Variants in TRIM77 observed in about 807,000 individuals in gnomAD.
TRIM77 encodes the protein tripartite motif containing 77.
TRIM77 carries 23 observed loss-of-function variants against 31.8 expected under a neutral mutation model. That is an observed-to-expected ratio of 0.72 (90% confidence interval 0.52 to 1.02). The LOEUF is 1.02. Ranked by LOEUF, TRIM77 falls within the 50% of genes least tolerant of loss-of-function variation. TRIM77 has a pLI of 0.00. For missense variants in TRIM77, 446 were observed against 539.2 expected, an observed-to-expected ratio of 0.83 and a Z score of 1.71; for synonymous variants, 159 against 183.1, an observed-to-expected ratio of 0.87 and a Z score of 1.06.
intron 3 of TRIM77, among the ~76,000 whole-genome samples, chr11:89,714,856 T>G (rs1295368499): frequency 1.3e-5 from 2 of 152,224 alleles, no homozygotes; most frequent in East Asian, 1.9e-4. Context: ...TGTGGGGACC[T>G]CTGTCAATCT....
chr11:89,713,068 T>C (rs564399378), intron 2 of TRIM77, among the ~76,000 whole-genome samples: 25 of 151,936 alleles, frequency 1.6e-4, no homozygotes, highest in African/African-American at 5.8e-4. Flanking sequence ...GGTCAAGAGA[T>C]TGAGACCATC....
chr11:89,715,701 C>G (rs1200322294), intron 4 of TRIM77, among the ~76,000 whole-genome samples, 189 bp from the exon 5 acceptor site: 4 of 152,162 alleles, frequency 2.6e-5, no homozygotes, highest in Non-Finnish European at 5.9e-5. Context: ...ACATACTTTA[C>G]TGTCATAGAG....
intron 5 of TRIM77, among the ~76,000 whole-genome samples, chr11:89,716,669 T>C (rs1409844160): frequency 6.6e-5 from 10 of 152,112 alleles, no homozygotes; most frequent in Middle Eastern, 3.2e-3. Flanking sequence ...ATATAGATTT[T>C]CAGTTTATTT....
rs7120478 is a variant in TRIM77 at position 89,713,760 on chromosome 11, G to A, written c.508-432G>A. On this transcript the variant is annotated intron_variant, in intron 2 of 5. Transcript: ENST00000398290. ...AATAGGCAAGCATAGCCAAACACTG[G>A]TAAAAGCACCGAGTGTTTTGGAAAT... Among the ~76,000 whole-genome samples, 336 of 152,178 alleles carry A rather than the reference G, an allele frequency of 2.2e-3. 1 individual carries two copies. Among genetic ancestry groups the A allele is most frequent in the African/African-American group, 7.8e-3 (324 of 41,524 alleles).
At position 89,717,863 on chromosome 11, in the gene TRIM77, A is replaced by G. The variant is rs1304432977; in HGVS notation, c.1344A>G (p.Gly448=). 2 of 1,531,136 alleles carry G rather than the reference A, an allele frequency of 1.3e-6. No homozygotes were observed. Among genetic ancestry groups the G allele is most frequent in the Non-Finnish European group, 1.8e-6 (2 of 1,137,000 alleles). The allele number at this position is 1,531,136 out of a possible 1,614,324, so 94.8% of individuals were successfully genotyped here. The change falls in exon 6 of 6, where the codon GGA becomes GGG. Residue 448 remains glycine (G), a synonymous_variant. Coordinates refer to ENST00000398290, the MANE Select transcript of TRIM77 (RefSeq NM_001146162.1). The part of the protein sequence containing the change: ...YFPLRPFICH[G]SK ...CTCTCAGACCTTTCATTTGCCACGG[A>G]TCTAAATAATCAGGGACAGGTCACA...
At chr11:89,713,270 C>T (rs1426553168) in intron 2 of TRIM77, among the ~76,000 whole-genome samples, 16 of 123,938 alleles carry the variant, frequency 1.3e-4, no homozygotes, top group Non-Finnish European at 2.3e-4. Context: ...AGGGAGACTC[C>T]GTCTCAAAAA....
chr11:89,715,288 C>A, intron 4 of TRIM77, 108 bp downstream of exon 4: 1 of 1,037,640 alleles, frequency 9.6e-7, no homozygotes. Flanking sequence ...GTATTTATTC[C>A]TTTCTTATCA....
intron 2 of TRIM77, among the ~76,000 whole-genome samples, chr11:89,713,628 A>C (rs1318534201): frequency 6.6e-6 from 1 of 152,014 alleles, no homozygotes; most frequent in East Asian, 1.9e-4. Context: ...GAGAGTAGGC[A>C]AACAATAGGG....
At chr11:89,712,974 C>T (rs1461816521) in intron 2 of TRIM77, among the ~76,000 whole-genome samples, 6 of 151,934 alleles carry the variant, frequency 3.9e-5, no homozygotes, top group African/African-American at 1.5e-4. Flanking sequence ...AAGGGAAAAA[C>T]TGTGAAAAAG....
intron 2 of TRIM77, among the ~76,000 whole-genome samples, chr11:89,713,040 G>A (rs1234960840): frequency 1.3e-5 from 2 of 152,040 alleles, no homozygotes; most frequent in East Asian, 1.9e-4. Flanking sequence ...TTGGGAGGCC[G>A]AGGTGGGCGG....
rs1565425243 is a variant in TRIM77, at chr11:89,711,442, G to C, written c.444G>C (p.Trp148Cys). 2 of 1,424,874 alleles carry C rather than the reference G, an allele frequency of 1.4e-6. No homozygotes were observed. Among genetic ancestry groups the C allele is most frequent in the African/African-American group, 3.0e-5 (2 of 67,084 alleles). 88.3% of individuals were successfully genotyped at this position (1,424,874 alleles called of 1,614,324 possible). A position where few individuals can be genotyped will look rare whatever the true frequency, so the allele number is the denominator to read the frequency against. ...KKLLIQMKSIWKKKQKNQRNL... is the reference protein window; with the variant it reads ...KKLLIQMKSICKKKQKNQRNL... ...TCCTGATTCAAATGAAGTCCATCTGGAAAAAAAAACAGAAAAATCAAAGAA... is the reference window on the plus strand; with the variant it reads ...TCCTGATTCAAATGAAGTCCATCTGCAAAAAAAAACAGAAAAATCAAAGAA... Residue 148 changes from tryptophan (W) to cysteine (C), a missense_variant, in exon 2 of 6, where the codon TGG (tryptophan) becomes TGC (cysteine). By Grantham distance (215) the Trp-to-Cys change is radical (BLOSUM62 -2). This residue lies in a region of TRIM77 where 366 missense variants were observed against 447.9 expected (regional missense o/e 0.82). Transcript: ENST00000398290.
At chr11:89,715,541 AT>A (rs1949154908) in intron 4 of TRIM77, among the ~76,000 whole-genome samples, 1 of 152,174 alleles carries the variant, frequency 6.6e-6, no homozygotes, top group Non-Finnish European at 1.5e-5. Context: ...CCAAGAAGGA[AT>A]GTAGTATAGA....
At chr11:89,713,455 CAATAATAAT>C (rs71052248) in intron 2 of TRIM77, among the ~76,000 whole-genome samples, 34,027 of 121,964 alleles carry the variant, frequency 0.28, 4,838 homozygotes, top group East Asian at 0.42. Flanking sequence ...GACCTTGTCT[CAATAATAAT>C]AATAATAATA....
At position 89,714,931 on chromosome 11, in the gene TRIM77, A is replaced by G. The variant is rs147618876; in HGVS notation, c.739-227A>G. On this transcript the variant is annotated intron_variant, in intron 3 of 5. Transcript: ENST00000398290. ...CTTCCCATTTGTTCAACCTCAGTCC[A>G]TCTGACTATGTTTCATCAAGAGTAT... Among the ~76,000 whole-genome samples the G allele has an allele frequency of 3.4e-3, 516 of 152,302 alleles. 1 individual carries two copies. The highest frequency in any genetic ancestry group is 5.2e-3 in the Non-Finnish European group (357 of 68,028).
chr11:89,714,444 G>C, intron 3 of TRIM77, 22 bp downstream of exon 3: 1 of 1,494,780 alleles, frequency 6.7e-7, no homozygotes, highest in Non-Finnish European at 9.1e-7. Flanking sequence ...AGGAGATCAG[G>C]GTGCTGAACA....
At chr11:89,717,228 G>T (rs1331433608) in intron 5 of TRIM77, 151 bp from the exon 6 acceptor site, 1 of 725,126 alleles carries the variant, frequency 1.4e-6, no homozygotes, top group African/African-American at 1.8e-5. Context: ...TGGCCTTAGT[G>T]AGGTGGAAAT....
Position 89,717,634 on chromosome 11 carries a change from C to T in TRIM77, c.1115C>T (p.Ser372Phe). The change falls in exon 6 of 6, where the codon TCT becomes TTT. Residue 372 changes from serine to phenylalanine, a missense_variant. Ser to Phe is a radical substitution (Grantham distance 155, BLOSUM62 -2). Transcript: ENST00000398290. ...AAGAGGAATGACATGCGACTTGACTCTGAGGGTATCTTTCTACTCCTGTGT... is the reference window on the plus strand; with the variant it reads ...AAGAGGAATGACATGCGACTTGACTTTGAGGGTATCTTTCTACTCCTGTGT... ...WTKRNDMRLDSEGIFLLLCLK... is the reference protein window; with the variant it reads ...WTKRNDMRLDFEGIFLLLCLK... 1.3e-6 allele frequency: 2 copies of T among 1,551,336 alleles called. No individual in the cohort carries two copies. The highest frequency in any genetic ancestry group is 1.7e-6 in the Non-Finnish European group (2 of 1,146,754).
At chr11:89,717,127 G>T (rs944966947) in intron 5 of TRIM77, among the ~76,000 whole-genome samples, 2 of 152,118 alleles carry the variant, frequency 1.3e-5, no homozygotes, top group Non-Finnish European at 2.9e-5. Context: ...AGAGTGGTAT[G>T]CCGGACCCAG....
intron 2 of TRIM77, among the ~76,000 whole-genome samples, chr11:89,713,005 G>A (rs1156730337): frequency 6.6e-6 from 1 of 152,160 alleles, no homozygotes; most frequent in Non-Finnish European, 1.5e-5. Flanking sequence ...CCGGCGCGAT[G>A]GCTCATGCCT....
Sources: allele counts gnomAD v4.1 joint callset (sites outside exome capture counted in the v4.1 genomes callset), GRCh38; gene constraint gnomAD v4.1.1; regional missense constraint gnomAD v4.1.1; transcripts MANE v1.5; gene names NCBI Gene and HGNC (gene_info 2026-07-23, HGNC 2026-07-21).